Variants in PEX19 observed in about 807,000 individuals in gnomAD.
The protein encoded by PEX19 is 33 kDa housekeeping protein.
PEX19 carries 29 observed loss-of-function variants against 36.3 expected under a neutral mutation model. The ratio of observed to expected loss-of-function variants is 0.80; its 90% CI spans 0.60 to 1.09. The LOEUF (loss-of-function observed/expected upper bound fraction) is 1.09, where lower values mean the gene tolerates loss of function less well. PEX19 is among the 50% of genes least tolerant of loss of function. The pLI, the probability that PEX19 is intolerant of heterozygous loss-of-function variation, is 0.00. For synonymous variants in PEX19, 141 were observed against 135.2 expected (o/e 1.04, Z -0.30); for missense variants, 396 against 368.1 (o/e 1.08, Z -0.62).
In PEX19 at chr1:160,283,091, G is replaced by C. The variant is rs1657845463; in HGVS notation, c.199C>G (p.Gln67Glu). Reference protein sequence around the residue: ...DTAKDALFASQEKFFQELFDS... With the variant: ...DTAKDALFASEEKFFQELFDS... ...AATAGTTCCTGGAAAAACTTCTCTT[G>C]GGAAGCGAAGAGGGCATCCTGCGGG... The change falls in exon 3 of 8, where the codon CAA becomes GAA. Residue 67 changes from glutamine (Q) to glutamate (E), a missense_variant. Transcript: ENST00000368072. 3 of 1,613,652 alleles carry C rather than the reference G, an allele frequency of 1.9e-6. No homozygotes were observed. Among genetic ancestry groups the C allele is most frequent in the Non-Finnish European group, 2.5e-6 (3 of 1,180,032 alleles).
chr1:160,284,818 CG>C (rs1243490281), intron 1 of PEX19, among the ~76,000 whole-genome samples: 1 of 152,156 alleles, frequency 6.6e-6, no homozygotes, highest in Non-Finnish European at 1.5e-5. Flanking sequence ...CGCCGTCCTG[CG>C]GAAACATCCA....
At chr1:160,281,910 A>T in intron 5 of PEX19, 129 bp downstream of exon 5, 1 of 794,802 alleles carries the variant, frequency 1.3e-6, no homozygotes, top group Non-Finnish European at 2.2e-6. Flanking sequence ...TCCCTGCCTC[A>T]AATAAATAAA....
intron 5 of PEX19, among the ~76,000 whole-genome samples, chr1:160,281,607 T>A (rs539960660): frequency 6.6e-6 from 1 of 152,318 alleles, no homozygotes; most frequent in East Asian, 1.9e-4. Flanking sequence ...GGTTTCACCA[T>A]GTTGGCCAGG....
chr1:160,285,084 G>C lies in PEX19; in HGVS notation c.41C>G (p.Ala14Gly). ...AEEGCSVGAE[A>G]DRELEELLES... Reference sequence around the variant, plus strand: ...CAGAAGCTCCTCCAATTCCCTGTCCGCTTCGGCCCCGACACTACAGCCTTC... The same window carrying C: ...CAGAAGCTCCTCCAATTCCCTGTCCCCTTCGGCCCCGACACTACAGCCTTC... The change falls in exon 1 of 8, where the codon GCG (alanine) becomes GGG (glycine). Residue 14 changes from alanine to glycine, a missense_variant. Ala to Gly is a moderately conservative substitution (Grantham distance 60). Transcript: ENST00000368072. 6.2e-7 allele frequency: 1 copy of C among 1,613,866 alleles called. No individual in the cohort carries two copies. Among genetic ancestry groups the C allele is most frequent in the Non-Finnish European group, 8.5e-7 (1 of 1,179,824 alleles).
intron 5 of PEX19, among the ~76,000 whole-genome samples, chr1:160,281,634 G>A (rs1360405544): frequency 6.6e-6 from 1 of 152,192 alleles, no homozygotes; most frequent in Non-Finnish European, 1.5e-5. Context: ...TCGAACTCCT[G>A]ACCTCAGGTG....
chr1:160,283,527 T>C lies in PEX19; in HGVS notation c.180+3A>G. The C allele has an allele frequency of 1.2e-6, 2 of 1,603,196 alleles. No homozygotes were observed. Among genetic ancestry groups the C allele is most frequent in the East Asian group, 2.2e-5 (1 of 44,798 alleles). The stretch of plus-strand genomic sequence containing the variant: ...CCATCCCTTAAGGGGGTGGAATTTA[T>C]ACTTTGGCAGTGTCTCCTGGCGATC... On this transcript the variant is annotated splice_donor_region_variant and intron_variant, in intron 2 of 7. Coordinates refer to ENST00000368072, the MANE Select transcript of PEX19 (RefSeq NM_002857.4).
In PEX19 at chr1:160,277,507, T is replaced by C. The variant is rs146394443; in HGVS notation, c.*2044A>G. The C allele has an allele frequency of 3.4e-4, 154 of 455,664 alleles. No homozygotes were observed. Among genetic ancestry groups the C allele is most frequent in the African/African-American group, 2.8e-3 (142 of 50,172 alleles). The allele number at this position is 455,664 out of a possible 1,614,324, so 28.2% of individuals were successfully genotyped here. On this transcript the variant is annotated 3_prime_UTR_variant, in exon 8 of 8. Coordinates refer to ENST00000368072, the MANE Select transcript of PEX19 (RefSeq NM_002857.4). ...TAGAGTACCATAACTCCACCACAAG[T>C]CCTGGAATAATTCCAAAAGTTTTTG...
At position 160,277,297 on chromosome 1, in the gene PEX19, A is replaced by C. The variant is rs571635896; in HGVS notation, c.*2254T>G. 2 of 456,034 alleles carry C rather than the reference A, an allele frequency of 4.4e-6. No individual in the cohort carries two copies. Among genetic ancestry groups the C allele is most frequent in the Admixed American group, 4.7e-5 (2 of 42,574 alleles). The allele number at this position is 456,034 out of a possible 1,614,324, so 28.2% of individuals were successfully genotyped here. On this transcript the variant is annotated 3_prime_UTR_variant, in exon 8 of 8. Transcript: ENST00000368072. ...CAATGTTGCTGTGATATCCAAGTAC[A>C]TGATCAATGGACTTAACCTACAGAA...
rs1160492508 is a variant in PEX19 at position 160,278,626 on chromosome 1, A to G, written c.*925T>C. Reference sequence around the variant, plus strand: ...AATCATGTATCTCAAATAAGCCAGAATGTATCTGGGGAAGAATAGCCATTA... The same window carrying G: ...AATCATGTATCTCAAATAAGCCAGAGTGTATCTGGGGAAGAATAGCCATTA... On this transcript the variant is annotated 3_prime_UTR_variant, in exon 8 of 8. Transcript: ENST00000368072. 3 of 454,548 alleles carry G rather than the reference A, an allele frequency of 6.6e-6. No homozygotes were observed. Among genetic ancestry groups the G allele is most frequent in the African/African-American group, 6.0e-5 (3 of 50,024 alleles). 28.2% of individuals were successfully genotyped at this position (454,548 alleles called of 1,614,324 possible).
Position 160,279,296 on chromosome 1 carries a change from T to C in PEX19, c.*255A>G, listed in dbSNP as rs1422041641. On this transcript the variant is annotated 3_prime_UTR_variant, in exon 8 of 8. Coordinates refer to ENST00000368072, the MANE Select transcript of PEX19 (RefSeq NM_002857.4). Reference sequence around the variant, plus strand: ...CCAAAAGGGATGCCTTCCTTCACCTTGCAGGTAGCTGGAACTTTGATAGTG... The same window carrying C: ...CCAAAAGGGATGCCTTCCTTCACCTCGCAGGTAGCTGGAACTTTGATAGTG... 1.5e-6 allele frequency: 1 copy of C among 656,262 alleles called. No homozygotes were observed. The highest frequency in any genetic ancestry group is 1.5e-5 in the South Asian group (1 of 66,270). 40.7% of individuals were successfully genotyped at this position (656,262 alleles called of 1,614,324 possible).
In PEX19 at chr1:160,279,540, C is replaced by T. The variant is rs1469446281; in HGVS notation, c.*11G>A. The stretch of plus-strand genomic sequence containing the variant: ...CATAGCTGGGACTCAGAGAGGAAAA[C>T]GTGTTGTGTTTCACATGATCAGACA... On this transcript the variant is annotated 3_prime_UTR_variant, in exon 8 of 8. Transcript: ENST00000368072. 16 of 1,609,468 alleles carry T rather than the reference C, an allele frequency of 9.9e-6. No individual in the cohort carries two copies. Among genetic ancestry groups the T allele is most frequent in the Admixed American group, 3.3e-5 (2 of 60,000 alleles).
intron 1 of PEX19, chr1:160,284,038 G>A: frequency 2.1e-6 from 1 of 471,288 alleles, no homozygotes; most frequent in Non-Finnish European, 4.4e-6. Context: ...TCACTCTGGA[G>A]CTCTAAAAGG....
At position 160,283,018 on chromosome 1, in the gene PEX19, A is replaced by G. The variant is rs747047470; in HGVS notation, c.272T>C (p.Met91Thr). ...SQATAEFEKA[M>T]KELAEEEPHL... is the part of the protein sequence containing the mutation. ...GGGTTCTTCCTCAGCCAACTCCTTC[A>G]TTGCCTTCTCGAACTCCGCAGTGGC... The change falls in exon 3 of 8, where the codon ATG (methionine) becomes ACG (threonine). Residue 91 changes from methionine (M) to threonine (T), a missense_variant. Coordinates refer to ENST00000368072, the MANE Select transcript of PEX19 (RefSeq NM_002857.4). 9.9e-6 allele frequency: 16 copies of G among 1,614,094 alleles called. No individual in the cohort carries two copies. The South Asian group carries it at 1.6e-4, about 17-fold the overall frequency.
rs1164912945 is a variant in PEX19, at chr1:160,285,049, TCTTA to T, written c.70+2_70+5del. The T allele has an allele frequency of 1.2e-6, 2 of 1,607,778 alleles. No individual in the cohort carries two copies. The highest frequency in any genetic ancestry group is 1.7e-6 in the Non-Finnish European group (2 of 1,174,184). On this transcript the variant is annotated splice_donor_variant and splice_donor_5th_base_variant and intron_variant, in intron 1 of 7. Transcript: ENST00000368072. LOFTEE classifies it high-confidence loss of function. ...TCTTCGGGCCTTTCCCACTATGGGC[TCTTA>T]CTTTCCAGAAGCTCCTCCAATTCCC... is the stretch of plus-strand genomic sequence containing the variant.
At position 160,283,457 on chromosome 1, in the gene PEX19, G is replaced by C. The variant is rs951643384; in HGVS notation, c.180+73C>G. 6 of 1,108,386 alleles carry C rather than the reference G, an allele frequency of 5.4e-6. No individual in the cohort carries two copies. In the African/African-American group the frequency reaches 9.3e-5, roughly 17 times the overall value. The allele number at this position is 1,108,386 out of a possible 1,614,324, so 68.7% of individuals were successfully genotyped here. ...CTCCCACATTCCCCTCTGGCCCATA[G>C]GGGCCTGCCCAACCTCTGCTCAGGG... On this transcript the variant is annotated intron_variant, in intron 2 of 7. Transcript: ENST00000368072.
chr1:160,279,754 G>C, intron 7 of PEX19, 47 bp downstream of exon 7: 4 of 1,581,712 alleles, frequency 2.5e-6, no homozygotes, highest in Non-Finnish European at 3.5e-6. Flanking sequence ...AAGAATTCTG[G>C]AAATTGGGGA....
In PEX19 at chr1:160,280,155, C is replaced by T; in HGVS notation, c.686G>A (p.Cys229Tyr). The T allele has an allele frequency of 6.2e-7, 1 of 1,613,980 alleles. No individual in the cohort carries two copies. The highest frequency in any genetic ancestry group is 8.5e-7 in the Non-Finnish European group (1 of 1,179,850). ...QEQHSVMCKI[C>Y]EQFEAETPTD... ...GGGGGTCTCTGCCTCAAACTGCTCA[C>T]ATATTTTGCACATGACGCTGTGCTG... Residue 229 changes from cysteine (C) to tyrosine (Y), a missense_variant, in exon 6 of 8, where the codon TGT (cysteine) becomes TAT (tyrosine). Physicochemically the swap from Cys to Tyr is radical, Grantham distance 194. Coordinates refer to ENST00000368072, the MANE Select transcript of PEX19 (RefSeq NM_002857.4).
At chr1:160,282,269 A>G (rs1657803580) in intron 4 of PEX19, 69 bp from the exon 5 acceptor site, 2 of 1,551,020 alleles carry the variant, frequency 1.3e-6, no homozygotes, top group African/African-American at 2.7e-5. Flanking sequence ...CTCTCAGGTG[A>G]CAAAGATAAA....
At position 160,279,374 on chromosome 1, in the gene PEX19, T is replaced by C. The variant is rs770929529; in HGVS notation, c.*177A>G. ...CAGAAATGGCCTGTGAAACAGACCC[T>C]ATTCCTAGAGAGACAGAGGAAAAAC... On this transcript the variant is annotated 3_prime_UTR_variant, in exon 8 of 8. Coordinates refer to ENST00000368072, the MANE Select transcript of PEX19 (RefSeq NM_002857.4). 1.7e-5 allele frequency: 12 copies of C among 704,494 alleles called. No individual in the cohort carries two copies. The East Asian group carries it at 2.7e-4, about 16-fold the overall frequency. The allele number at this position is 704,494 out of a possible 1,614,324, so 43.6% of individuals were successfully genotyped here.
Sources: gnomAD v4.1 joint callset for allele counts (sites outside exome capture counted in the v4.1 genomes callset) on GRCh38, gnomAD v4.1.1 for gene constraint, MANE v1.5 for transcripts, NCBI Gene and HGNC (gene_info 2026-07-23, HGNC 2026-07-21) for gene names.